PLAUR: variants seen among roughly 807,000 people sequenced by gnomAD.
The protein encoded by PLAUR is plasminogen activator, urokinase receptor.
In PLAUR, 22 loss-of-function variants were observed where a neutral mutation model predicts 33.4. That is an observed-to-expected ratio of 0.66 (90% confidence interval 0.47 to 0.94). PLAUR has a LOEUF of 0.94. Among genes scored for constraint, PLAUR ranks in the 40% least tolerant of loss-of-function variants. The probability of loss-of-function intolerance (pLI) is 0.00; values close to 1 mark genes in which losing one functional copy is unlikely to be tolerated. For missense variants in PLAUR, 408 were observed against 434.7 expected (o/e 0.94, Z 0.55); for synonymous variants, 148 against 167.3 (o/e 0.88, Z 0.89).
At chr19:43,658,346 GC>G (rs4251862) in intron 3 of PLAUR, among the ~76,000 whole-genome samples, 2,699 of 152,274 alleles carry the variant, frequency 0.018, 74 homozygotes, top group African/African-American at 0.06. Flanking sequence ...TCGACTGCAG[GC>G]TCATGAAGGA....
chr19:43,663,929 C>G (rs1299818763), intron 3 of PLAUR, among the ~76,000 whole-genome samples: 1 of 151,942 alleles, frequency 6.6e-6, no homozygotes, highest in African/African-American at 2.4e-5. Flanking sequence ...CCTGGTGGAT[C>G]CCTGACCACT....
intron 2 of PLAUR, among the ~76,000 whole-genome samples, chr19:43,666,216 C>G (rs1053097064): frequency 6.6e-6 from 1 of 152,142 alleles, no homozygotes; most frequent in Non-Finnish European, 1.5e-5. Flanking sequence ...ATGTGAGCTA[C>G]TGTGCTTGGC....
chr19:43,653,744 T>C (rs1322546459), intron 5 of PLAUR, among the ~76,000 whole-genome samples: 7 of 147,128 alleles, frequency 4.8e-5, no homozygotes, highest in South Asian at 2.2e-4. Flanking sequence ...CTTTGGGAGG[T>C]CAAGGCAGAA....
chr19:43,656,491 C>T lies in PLAUR; in HGVS notation c.460G>A (p.Glu154Lys), dbSNP rs757240848. The T allele has an allele frequency of 3.1e-6, 5 of 1,594,266 alleles. No homozygotes were observed. The highest frequency in any genetic ancestry group is 4.3e-6 in the Non-Finnish European group (5 of 1,167,638). The change falls in exon 4 of 7, where the codon GAA becomes AAA. Residue 154 changes from glutamate to lysine, a missense_variant. Coordinates refer to ENST00000340093, the MANE Select transcript of PLAUR (RefSeq NM_002659.4). ...GGTTGGGGCTCACCTTCTTCACCTT[C>T]CTGGATCCAGTGGGTCACCACATCC... The part of the protein sequence containing the change: ...CLDVVTHWIQ[E>K]GEEGRPKDDR...
Position 43,656,483 on chromosome 19 carries a change from T to C in PLAUR, c.468A>G (p.Glu156=), listed in dbSNP as rs562481296. Residue 156 remains glutamate, a synonymous_variant, in exon 4 of 7, where the codon GAA becomes GAG. Coordinates refer to ENST00000340093, the MANE Select transcript of PLAUR (RefSeq NM_002659.4). The part of the protein sequence containing the change: ...DVVTHWIQEG[E]EGRPKDDRHL... ...TGCCAGCAGGTTGGGGCTCACCTTC[T>C]TCACCTTCCTGGATCCAGTGGGTCA... The C allele has an allele frequency of 6.3e-7, 1 of 1,587,152 alleles. No homozygotes were observed. Among genetic ancestry groups the C allele is most frequent in the Non-Finnish European group, 8.6e-7 (1 of 1,163,392 alleles).
rs745641273 is a variant in PLAUR at position 43,655,613 on chromosome 19, G to T, written c.473-40C>A. The T allele has an allele frequency of 2.5e-6, 4 of 1,588,796 alleles. No homozygotes were observed. The African/African-American group carries it at 5.4e-5, about 21-fold the overall frequency. On this transcript the variant is annotated intron_variant, in intron 4 of 6. Transcript: ENST00000340093. ...GGACAGAGGTCAGATGTCAGATTGT[G>T]AATGAGGGACTAAGATGGGATTTGC...
At chr19:43,649,262 G>T in intron 6 of PLAUR, 119 bp from the exon 7 acceptor site, 1 of 1,153,376 alleles carries the variant, frequency 8.7e-7, no homozygotes, top group Non-Finnish European at 1.2e-6. Context: ...AGAGAAAGCA[G>T]CAGTTCTCAG....
At chr19:43,656,265 T>TA (rs1974205537) in intron 4 of PLAUR, among the ~76,000 whole-genome samples, 1 of 137,520 alleles carries the variant, frequency 7.3e-6, no homozygotes, top group Non-Finnish European at 1.6e-5. Flanking sequence ...AAAAAATAAA[T>TA]AAATAAATAA....
Position 43,666,607 on chromosome 19 carries a change from G to A in PLAUR, c.166+974C>T, listed in dbSNP as rs4251822. On this transcript the variant is annotated intron_variant, in intron 2 of 6. Transcript: ENST00000340093. ...CTTGAGATGGAGTTTTGCTCTTGTC[G>A]CCCAGGCTGGAGTGCAATGGCACAA... Among the ~76,000 whole-genome samples, 957 of 147,220 alleles carry A rather than the reference G, an allele frequency of 6.5e-3. 8 individuals carry two copies. The highest frequency in any genetic ancestry group is 0.023 in the African/African-American group (910 of 39,798).
intron 3 of PLAUR, among the ~76,000 whole-genome samples, chr19:43,659,336 A>G (rs1370656221): frequency 6.6e-6 from 1 of 151,162 alleles, no homozygotes; most frequent in East Asian, 1.9e-4. Context: ...GTATTTTTGT[A>G]GAGACAAGGT....
intron 6 of PLAUR, 71 bp from the exon 7 acceptor site, chr19:43,649,214 C>T: frequency 6.5e-7 from 1 of 1,542,280 alleles, no homozygotes; most frequent in Non-Finnish European, 8.8e-7. Flanking sequence ...AGTAGGTGAC[C>T]TGCCACCTTG....
chr19:43,666,283 G>C (rs1967244205), intron 2 of PLAUR, among the ~76,000 whole-genome samples: 1 of 151,982 alleles, frequency 6.6e-6, no homozygotes, highest in African/African-American at 2.4e-5. Flanking sequence ...ATCATATTCT[G>C]CAACATTTTT....
At chr19:43,663,747 C>T (rs1238246464) in intron 3 of PLAUR, among the ~76,000 whole-genome samples, 1 of 149,816 alleles carries the variant, frequency 6.7e-6, no homozygotes, top group East Asian at 1.9e-4. Context: ...TGGCATTGCA[C>T]TCCAGCCTGG....
chr19:43,667,565 T>C lies in PLAUR; in HGVS notation c.166+16A>G, dbSNP rs1208469911. The C allele has an allele frequency of 1.9e-6, 3 of 1,566,566 alleles. No individual in the cohort carries two copies. The highest frequency in any genetic ancestry group is 1.1e-5 in the South Asian group (1 of 90,172). On this transcript the variant is annotated intron_variant, in intron 2 of 6. Transcript: ENST00000340093. The stretch of plus-strand genomic sequence containing the variant: ...ATGCTGCGCTGGAGGGGTGTGTGGG[T>C]TGGGGGGAAGCTCACCTTCCCACAA...
chr19:43,667,687 A>C lies in PLAUR; in HGVS notation c.60T>G (p.Ser20=), dbSNP rs374633120. ...TACACTGCATGCACCGCAGGCCCCA[A>C]GAGGCTGGGGGAAGGAGGGAGAGGA... ...LLLLHTCVPA[S]WGLRCMQCKT... Residue 20 remains serine, a synonymous_variant, in exon 2 of 7, where the codon TCT becomes TCG. Transcript: ENST00000340093. 33 of 1,613,802 alleles carry C rather than the reference A, an allele frequency of 2.0e-5. No homozygotes were observed. Among genetic ancestry groups the C allele is most frequent in the African/African-American group, 1.6e-4 (12 of 75,022 alleles).
chr19:43,653,426 T>C (rs551245868), intron 5 of PLAUR, among the ~76,000 whole-genome samples: 1 of 152,290 alleles, frequency 6.6e-6, no homozygotes, highest in African/African-American at 2.4e-5. Context: ...GGGTGAACTC[T>C]TGGGGAAGAT....
chr19:43,652,496 C>A (rs867541594), intron 5 of PLAUR, 125 bp from the exon 6 acceptor site: 2 of 899,936 alleles, frequency 2.2e-6, no homozygotes, highest in Admixed American at 2.3e-5. Flanking sequence ...TGTGGTCAGG[C>A]GTCTGAATGG....
intron 2 of PLAUR, among the ~76,000 whole-genome samples, chr19:43,666,637 A>C (rs558062428): frequency 5.3e-5 from 8 of 151,462 alleles, no homozygotes; most frequent in African/African-American, 1.9e-4. Context: ...GCACAATCTC[A>C]GCTCACTGCA....
At chr19:43,649,533 C>T (rs1234030507) in intron 6 of PLAUR, among the ~76,000 whole-genome samples, 1 of 131,070 alleles carries the variant, frequency 7.6e-6, no homozygotes, top group East Asian at 2.7e-4. Context: ...GAGTGAGACC[C>T]TGTTTCAAAA....
Sources: allele counts gnomAD v4.1 joint callset (sites outside exome capture counted in the v4.1 genomes callset), GRCh38; gene constraint gnomAD v4.1.1; transcripts MANE v1.5; gene names NCBI Gene and HGNC (gene_info 2026-07-23, HGNC 2026-07-21).